Variants in SLC24A4 observed in about 807,000 individuals in gnomAD.
The protein encoded by SLC24A4 is solute carrier family 24 member 4, also known as sodium/potassium/calcium exchanger 4.
In SLC24A4, 53 loss-of-function variants were observed where a neutral mutation model predicts 79.0. The ratio of observed to expected loss-of-function variants is 0.67; its 90% CI spans 0.54 to 0.84. The LOEUF (loss-of-function observed/expected upper bound fraction) is 0.84, where lower values mean the gene tolerates loss of function less well. Among genes scored for constraint, SLC24A4 ranks in the 40% least tolerant of loss-of-function variants. The probability of loss-of-function intolerance (pLI) is 0.00; values close to 1 mark genes in which losing one functional copy is unlikely to be tolerated. For missense variants in SLC24A4, 731 were observed against 822.0 expected, an observed-to-expected ratio of 0.89 and a Z score of 1.35; for synonymous variants, 323 against 323.8, an observed-to-expected ratio of 1.00 and a Z score of 0.03.
intron 16 of SLC24A4, chr14:92,493,008 A>G (rs889941689): frequency 3.1e-6 from 1 of 321,390 alleles, no homozygotes; most frequent in African/African-American, 2.4e-5. Context: ...ACACACACAC[A>G]CACACACACA....
intron 9 of SLC24A4, among the ~76,000 whole-genome samples, chr14:92,448,091 C>T (rs1027162311): frequency 6.6e-6 from 1 of 152,116 alleles, no homozygotes; most frequent in Admixed American, 6.5e-5. Flanking sequence ...TGTCTGATTG[C>T]ACTTACATGA....
chr14:92,443,325 G>T lies in SLC24A4; in HGVS notation c.583-75G>T, dbSNP rs551420793. On this transcript the variant is annotated intron_variant, in intron 6 of 16. Transcript: ENST00000532405. ...TGTGGGCATGCCCTGCACTGCGGGGGGAGGAGGCCTGGGCAGCTGCACCCC... is the reference window on the plus strand; with the variant it reads ...TGTGGGCATGCCCTGCACTGCGGGGTGAGGAGGCCTGGGCAGCTGCACCCC... 10 of 1,409,258 alleles carry T rather than the reference G, an allele frequency of 7.1e-6. No homozygotes were observed. In the East Asian group the frequency reaches 2.3e-4, roughly 32 times the overall value. The allele number at this position is 1,409,258 out of a possible 1,614,324, so 87.3% of individuals were successfully genotyped here.
intron 2 of SLC24A4, among the ~76,000 whole-genome samples, chr14:92,426,593 G>A (rs977754354): frequency 6.6e-6 from 1 of 152,094 alleles, no homozygotes; most frequent in Non-Finnish European, 1.5e-5. Flanking sequence ...AAGAAAGATA[G>A]GATTTTAAAC....
intron 2 of SLC24A4, among the ~76,000 whole-genome samples, chr14:92,371,894 G>A (rs539896205): frequency 6.6e-6 from 1 of 152,242 alleles, no homozygotes; most frequent in Non-Finnish European, 1.5e-5. Context: ...AAGCACCAAG[G>A]CAGGGGCCAT....
intron 2 of SLC24A4, among the ~76,000 whole-genome samples, chr14:92,396,938 C>G (rs1264029025): frequency 1.3e-5 from 2 of 151,382 alleles, no homozygotes; most frequent in Non-Finnish European, 2.9e-5. Context: ...ACAGTGCTAC[C>G]CTGGAGATTC....
At chr14:92,425,512 C>T (rs1891517504) in intron 2 of SLC24A4, among the ~76,000 whole-genome samples, 1 of 152,220 alleles carries the variant, frequency 6.6e-6, no homozygotes, top group African/African-American at 2.4e-5. Context: ...AGGCTGTGGT[C>T]TGACATCCCA....
At chr14:92,345,533 T>C (rs1386087750) in intron 2 of SLC24A4, among the ~76,000 whole-genome samples, 2 of 152,136 alleles carry the variant, frequency 1.3e-5, no homozygotes, top group African/African-American at 4.8e-5. Context: ...AAACTATATG[T>C]CTACTAAAAA....
At chr14:92,472,722 A>G (rs765313096) in intron 12 of SLC24A4, among the ~76,000 whole-genome samples, 1 of 152,138 alleles carries the variant, frequency 6.6e-6, no homozygotes, top group East Asian at 1.9e-4. Flanking sequence ...CATTTTTGCA[A>G]TTGCGAATTG....
At chr14:92,487,471 A>T (rs991962097) in intron 14 of SLC24A4, among the ~76,000 whole-genome samples, 1 of 152,090 alleles carries the variant, frequency 6.6e-6, no homozygotes, top group African/African-American at 2.4e-5. Context: ...CCAAAGAGAG[A>T]GGTTGGCTTT....
chr14:92,383,189 C>A (rs975203041), intron 2 of SLC24A4, among the ~76,000 whole-genome samples: 1 of 152,166 alleles, frequency 6.6e-6, no homozygotes, highest in Non-Finnish European at 1.5e-5. Context: ...GTCCTCATGG[C>A]AGAGAAGGAG....
intron 2 of SLC24A4, among the ~76,000 whole-genome samples, chr14:92,364,884 T>A (rs1390433572): frequency 1.3e-5 from 2 of 152,162 alleles, no homozygotes; most frequent in African/African-American, 2.4e-5. Context: ...TAAAGGAAGC[T>A]CGTCACTTGC....
rs62623445 is a variant in SLC24A4 at position 92,456,438 on chromosome 14, G to A, written c.1085G>A (p.Ser362Asn). The part of the protein sequence containing the change: ...QRLINSANGV[S>N]SKPLQNGRHE... ...CTGATCAACTCGGCCAATGGTGTGA[G>A]CAGTAAGCCGCTTCAAAACGGGAGG... Residue 362 changes from serine (S) to asparagine (N), a missense_variant, in exon 12 of 17, where the codon AGC becomes AAC. Transcript: ENST00000532405. The A allele has an allele frequency of 0.029, 46,261 of 1,614,204 alleles. 751 individuals carry two copies. The highest frequency in any genetic ancestry group is 0.05 in the Middle Eastern group (306 of 6,062).
At chr14:92,447,750 C>T (rs1227773709) in intron 9 of SLC24A4, among the ~76,000 whole-genome samples, 2 of 152,256 alleles carry the variant, frequency 1.3e-5, no homozygotes, top group Non-Finnish European at 2.9e-5. Flanking sequence ...AGGGTAACCA[C>T]TCACTTGTGC....
intron 10 of SLC24A4, 117 bp from the exon 11 acceptor site, chr14:92,453,783 C>T: frequency 8.4e-7 from 1 of 1,185,194 alleles, no homozygotes; most frequent in Non-Finnish European, 1.1e-6. Flanking sequence ...CCGGTGGCTG[C>T]CAGCTGCCAG....
chr14:92,349,613 C>T (rs78289746), intron 2 of SLC24A4, among the ~76,000 whole-genome samples: 3,629 of 152,282 alleles, frequency 0.024, 175 homozygotes, highest in African/African-American at 0.083. Flanking sequence ...ATTTGAGAAA[C>T]TATAGTGCAA....
intron 11 of SLC24A4, among the ~76,000 whole-genome samples, chr14:92,454,618 A>G (rs1317924892): frequency 1.3e-5 from 2 of 152,216 alleles, no homozygotes; most frequent in African/African-American, 4.8e-5. Context: ...GCATGTGTGC[A>G]TTTTGGAATT....
Position 92,454,097 on chromosome 14 carries a change from T to C in SLC24A4, c.1050+28T>C, listed in dbSNP as rs758834046. ...GAGTTTGCTTGAAGGACCATAAAAG[T>C]GAGCAGCCTTGGATGCAGGAGGCCT... On this transcript the variant is annotated intron_variant, in intron 11 of 16. Coordinates refer to ENST00000532405, the MANE Select transcript of SLC24A4 (RefSeq NM_153646.4). 3.1e-6 allele frequency: 5 copies of C among 1,603,324 alleles called. No individual in the cohort carries two copies. In the South Asian group the frequency reaches 4.5e-5, roughly 14 times the overall value.
At chr14:92,410,230 G>A (rs922263858) in intron 2 of SLC24A4, among the ~76,000 whole-genome samples, 1 of 152,168 alleles carries the variant, frequency 6.6e-6, no homozygotes, top group African/African-American at 2.4e-5. Context: ...CACCCAGGCT[G>A]GAGTGCGGTG....
chr14:92,420,810 A>AT (rs1196365696), intron 2 of SLC24A4, among the ~76,000 whole-genome samples: 8 of 126,284 alleles, frequency 6.3e-5, no homozygotes, highest in Non-Finnish European at 1.4e-4. Flanking sequence ...GGGCATGGGC[A>AT]TTTTTTCACG....
Sources: allele counts gnomAD v4.1 joint callset (sites outside exome capture counted in the v4.1 genomes callset), GRCh38; gene constraint gnomAD v4.1.1; transcripts MANE v1.5; gene names NCBI Gene and HGNC (gene_info 2026-07-23, HGNC 2026-07-21).